Variants in EPM2A observed in about 807,000 individuals in gnomAD.
EPM2A encodes the protein laforin.
A neutral mutation model predicts 26.5 loss-of-function variants in EPM2A; 21 were observed. The observed-to-expected ratio is 0.79, with a 90% CI of 0.56 to 1.14. EPM2A has a LOEUF of 1.14. EPM2A is among the 50% of genes most tolerant of loss of function. The pLI is 0.00. For missense variants in EPM2A, 458 were observed against 440.8 expected (o/e 1.04, Z -0.35); for synonymous variants, 217 against 177.6 (o/e 1.22, Z -1.76).
At chr6:145,545,586 C>T (rs1478406810) in intron 2 of EPM2A, among the ~76,000 whole-genome samples, 2 of 152,260 alleles carry the variant, frequency 1.3e-5, no homozygotes, top group East Asian at 3.9e-4. Flanking sequence ...ATTCTTTCTT[C>T]CCCAAGTCAT....
chr6:145,658,963 A>C (rs1413040514), intron 2 of EPM2A, among the ~76,000 whole-genome samples: 1 of 152,156 alleles, frequency 6.6e-6, no homozygotes, highest in South Asian at 2.1e-4. Context: ...TTGGATATGC[A>C]TGAGAATTAA....
chr6:145,734,419 T>C (rs1016326077), intron 1 of EPM2A, among the ~76,000 whole-genome samples: 1 of 152,152 alleles, frequency 6.6e-6, no homozygotes, highest in Non-Finnish European at 1.5e-5. Context: ...TTAAGATGTG[T>C]GGAGGAAACA....
intron 2 of EPM2A, among the ~76,000 whole-genome samples, chr6:145,661,291 CTGG>C (rs1482921281): frequency 6.6e-6 from 1 of 152,184 alleles, no homozygotes; most frequent in Non-Finnish European, 1.5e-5. Flanking sequence ...TGTGAATTAA[CTGG>C]TGCATTACTG....
rs184883938 is a variant in EPM2A, at chr6:145,459,588, A to G, written c.555+42934T>C. Among the ~76,000 whole-genome samples the G allele has an allele frequency of 1.4e-4, 21 of 152,334 alleles. No homozygotes were observed. In the East Asian group the frequency reaches 4.0e-3, roughly 29 times the overall value. On this transcript the variant is annotated intron_variant, in intron 4 of 4. Transcript: ENST00000638717. Reference sequence around the variant, plus strand: ...ATTTAAATAATATTCAAATAATTTGATAATAATGTCCCTGGATCCTCCCCA... The same window carrying G: ...ATTTAAATAATATTCAAATAATTTGGTAATAATGTCCCTGGATCCTCCCCA...
intron 4 of EPM2A, among the ~76,000 whole-genome samples, chr6:145,464,772 C>G (rs1458279991): frequency 6.6e-6 from 1 of 152,040 alleles, no homozygotes; most frequent in Non-Finnish European, 1.5e-5. Context: ...TATGACAACT[C>G]TCTCCTTTAA....
Position 145,435,078 on chromosome 6 carries a change from T to A in EPM2A, c.556-50981A>T, listed in dbSNP as rs935637653. On this transcript the variant is annotated intron_variant, in intron 4 of 4. Transcript: ENST00000638717. ...GAGGCCTCCTCAGAAGCCAGGCCGA[T>A]ACTGGCCCCATGCTTGTACAGCCTG... Among the ~76,000 whole-genome samples, 9 of 152,324 alleles carry A rather than the reference T, an allele frequency of 5.9e-5. 1 individual carries two copies. The South Asian group carries it at 1.9e-3, about 32-fold the overall frequency.
chr6:145,395,457 C>A, intron 4 of EPM2A, among the ~76,000 whole-genome samples: 1 of 152,274 alleles, frequency 6.6e-6, no homozygotes, highest in East Asian at 1.9e-4. Flanking sequence ...TTCTGTAGCT[C>A]TACCCTATCT....
At chr6:145,509,137 A>G (rs1015379267) in intron 2 of EPM2A, among the ~76,000 whole-genome samples, 1 of 152,160 alleles carries the variant, frequency 6.6e-6, no homozygotes, top group Admixed American at 6.5e-5. Context: ...GAGAGAGAGA[A>G]GAAAAGTAAG....
At chr6:145,415,068 G>A (rs560295259) in intron 4 of EPM2A, among the ~76,000 whole-genome samples, 15 of 152,146 alleles carry the variant, frequency 9.9e-5, no homozygotes, top group South Asian at 4.1e-4. Context: ...CTCTGACCAC[G>A]CTGTCACTTT....
In EPM2A at chr6:145,627,695, T is replaced by C. The variant is rs772082648; in HGVS notation, c.719-2A>G. 6.2e-7 allele frequency: 1 copy of C among 1,613,890 alleles called. No individual in the cohort carries two copies. The highest frequency in any genetic ancestry group is 8.5e-7 in the Non-Finnish European group (1 of 1,180,024). ...CCTGGGGCAGCATCTGTACTCGGCC[T>C]GCGGTGGGGAAAGCACAGCACACAT... On this transcript the variant is annotated splice_acceptor_variant, in intron 3 of 3. Coordinates refer to ENST00000367519, the MANE Select transcript of EPM2A (RefSeq NM_005670.4). LOFTEE classifies it high-confidence loss of function.
chr6:145,699,351 T>C (rs1039100705), intron 1 of EPM2A, among the ~76,000 whole-genome samples: 1 of 152,218 alleles, frequency 6.6e-6, no homozygotes, highest in Non-Finnish European at 1.5e-5. Context: ...CCACTTTCCA[T>C]GTATGATGAC....
chr6:145,682,156 G>T (rs1417308037), intron 2 of EPM2A, among the ~76,000 whole-genome samples: 2 of 152,150 alleles, frequency 1.3e-5, no homozygotes, highest in Non-Finnish European at 2.9e-5. Flanking sequence ...TTGAAGGCAA[G>T]GAAGAGCAAG....
At chr6:145,508,503 C>T (rs1780009807) in intron 2 of EPM2A, among the ~76,000 whole-genome samples, 1 of 152,108 alleles carries the variant, frequency 6.6e-6, no homozygotes, top group African/African-American at 2.4e-5. Context: ...CTGAAAGCAC[C>T]CAGAAACAAG....
At chr6:145,685,517 G>C (rs1358739327) in intron 2 of EPM2A, among the ~76,000 whole-genome samples, 2 of 151,976 alleles carry the variant, frequency 1.3e-5, no homozygotes, top group African/African-American at 4.8e-5. Flanking sequence ...TATTGTTTAA[G>C]GTTTAGATTT....
rs1210457370 is a variant in EPM2A, at chr6:145,686,209, A to C, written c.389T>G (p.Ile130Ser). ...TTCATTGGTGTGCCCAGTGGCCTCAATCCAGTGTCCTATTGGGAGACAATA... is the reference window on the plus strand; with the variant it reads ...TTCATTGGTGTGCCCAGTGGCCTCACTCCAGTGTCCTATTGGGAGACAATA... ...GVYCLPIGHW[I>S]EATGHTNEMK... The change falls in exon 2 of 4, where the codon ATT becomes AGT. Residue 130 changes from isoleucine (I) to serine (S), a missense_variant. Ile to Ser is a moderately radical substitution (Grantham distance 142). Transcript: ENST00000367519. The C allele has an allele frequency of 1.9e-6, 3 of 1,613,802 alleles. No individual in the cohort carries two copies. Among genetic ancestry groups the C allele is most frequent in the Non-Finnish European group, 2.5e-6 (3 of 1,179,728 alleles).
At chr6:145,452,489 C>CAAAAAAAAAAAAAAAAAAAAAAA (rs563777945) in intron 4 of EPM2A, among the ~76,000 whole-genome samples, 2 of 75,862 alleles carry the variant, frequency 2.6e-5, no homozygotes, top group African/African-American at 1.2e-4. Context: ...ACTAAAAATA[C>CAAAAAAAAAAAAAAAAAAAAAAA]AAAAAAAAAA....
chr6:145,714,331 G>A (rs1775499041), intron 1 of EPM2A, among the ~76,000 whole-genome samples: 2 of 152,126 alleles, frequency 1.3e-5, no homozygotes, highest in African/African-American at 4.8e-5. Context: ...AATTAACATG[G>A]TAGATAGGTT....
chr6:145,658,186 G>A (rs1215706703), intron 2 of EPM2A, among the ~76,000 whole-genome samples: 1 of 152,170 alleles, frequency 6.6e-6, no homozygotes, highest in Non-Finnish European at 1.5e-5. Flanking sequence ...AAGTTAGATA[G>A]TAAATACTGC....
chr6:145,400,595 C>G (rs544360061), intron 4 of EPM2A, among the ~76,000 whole-genome samples: 1 of 151,604 alleles, frequency 6.6e-6, no homozygotes, highest in Admixed American at 6.6e-5. Flanking sequence ...TTACTGAGTG[C>G]CTTTGTGTCC....
Sources: gnomAD v4.1 joint callset for allele counts (sites outside exome capture counted in the v4.1 genomes callset) on GRCh38, gnomAD v4.1.1 for gene constraint, MANE v1.5 for transcripts, NCBI Gene and HGNC (gene_info 2026-07-23, HGNC 2026-07-21) for gene names.